The following PCDHGB3 variants were observed in gnomAD, a reference collection of about 807,000 sequenced individuals.
PCDHGB3 encodes the protein protocadherin gamma-B3.
A neutral mutation model predicts 59.2 loss-of-function variants in PCDHGB3; 40 were observed. The ratio of observed to expected loss-of-function variants is 0.68; its 90% CI spans 0.52 to 0.88. PCDHGB3 has a LOEUF of 0.88. Ranked by LOEUF, PCDHGB3 falls within the 40% of genes least tolerant of loss-of-function variation. The pLI is 0.00. For synonymous variants in PCDHGB3, 581 were observed against 503.6 expected, an observed-to-expected ratio of 1.15 and a Z score of -2.06; for missense variants, 1,309 against 1,187.9, an observed-to-expected ratio of 1.10 and a Z score of -1.50.
At chr5:141,399,511 C>A (rs1252813422) in intron 1 of PCDHGB3, 1 of 1,613,924 alleles carries the variant, frequency 6.2e-7, no homozygotes, top group African/African-American at 1.3e-5. Flanking sequence ...CGAAAACAAC[C>A]CTCCTGGGGC....
At position 141,404,691 on chromosome 5, in the gene PCDHGB3, G is replaced by A. The variant is rs200601931; in HGVS notation, c.2415+31882G>A. ...TCTACTGGTGTGGAGCTGGCACCCC[G>A]CTCTGCAGAGCCTGGCTACCTGGTG... is the stretch of plus-strand genomic sequence containing the variant. On this transcript the variant is annotated intron_variant, in intron 1 of 3. Transcript: ENST00000576222. 1.4e-5 allele frequency: 22 copies of A among 1,613,996 alleles called. No individual in the cohort carries two copies. The East Asian group carries it at 3.8e-4, about 28-fold the overall frequency.
At chr5:141,389,320 T>TG (rs764190187) in intron 1 of PCDHGB3, 4 of 1,613,964 alleles carry the variant, frequency 2.5e-6, no homozygotes, top group Non-Finnish European at 3.4e-6. Context: ...GATCCGGACT[T>TG]GGGGCCCAAC....
At chr5:141,409,769 G>T (rs1413636372) in intron 1 of PCDHGB3, 3 of 1,612,776 alleles carry the variant, frequency 1.9e-6, no homozygotes, top group Middle Eastern at 1.7e-4. Flanking sequence ...CTTTGATCAC[G>T]AGCAGCTGCG....
chr5:141,506,815 A>G (rs2099856451), intron 3 of PCDHGB3, among the ~76,000 whole-genome samples: 1 of 152,214 alleles, frequency 6.6e-6, no homozygotes, highest in African/African-American at 2.4e-5. Flanking sequence ...GCATTGCCCT[A>G]TATCATGAAC....
rs1015619417 is a variant in PCDHGB3 at position 141,455,526 on chromosome 5, C to T, written c.2416-39281C>T. Among the ~76,000 whole-genome samples the T allele has an allele frequency of 2.0e-5, 3 of 152,106 alleles. 1 individual carries two copies. Among genetic ancestry groups the T allele is most frequent in the South Asian group, 4.1e-4 (2 of 4,826 alleles). ...CATAGGGCTCAGGGGATTGGTTTGA[C>T]CAGGCATATCATTCACGTAGCCCGA... On this transcript the variant is annotated intron_variant, in intron 1 of 3. Coordinates refer to ENST00000576222, the MANE Select transcript of PCDHGB3 (RefSeq NM_018924.5).
At chr5:141,395,092 C>CT (rs2093168204) in intron 1 of PCDHGB3, 4 of 1,614,088 alleles carry the variant, frequency 2.5e-6, no homozygotes, top group Non-Finnish European at 3.4e-6. Context: ...GTCTCCCTCA[C>CT]CGCCGACTCG....
chr5:141,503,164 C>G (rs1262310388), intron 2 of PCDHGB3, among the ~76,000 whole-genome samples: 2 of 152,068 alleles, frequency 1.3e-5, no homozygotes, highest in East Asian at 3.9e-4. Flanking sequence ...ATCACAATTG[C>G]AATTACTCTA....
At chr5:141,479,206 T>C (rs987807222) in intron 1 of PCDHGB3, 3 of 152,400 alleles carry the variant, frequency 2.0e-5, no homozygotes, top group African/African-American at 7.2e-5. Context: ...CAGAAAAGTA[T>C]TTAAAAAATT....
At chr5:141,430,115 A>G (rs930805574) in intron 1 of PCDHGB3, among the ~76,000 whole-genome samples, 1 of 152,194 alleles carries the variant, frequency 6.6e-6, no homozygotes, top group Non-Finnish European at 1.5e-5. Context: ...CATGTCAACA[A>G]CCTGGTAAAG....
intron 2 of PCDHGB3, among the ~76,000 whole-genome samples, chr5:141,497,721 G>A (rs2099778948): frequency 6.6e-6 from 1 of 152,006 alleles, no homozygotes; most frequent in African/African-American, 2.4e-5. Flanking sequence ...TGTATTTTTA[G>A]TAGAGATGGG....
rs138031063 is a variant in PCDHGB3 at position 141,447,985 on chromosome 5, C to T, written c.2416-46822C>T. Among the ~76,000 whole-genome samples the T allele has an allele frequency of 3.9e-3, 591 of 152,010 alleles. 6 individuals are homozygous for T. The highest frequency in any genetic ancestry group is 0.011 in the Admixed American group (170 of 15,260). On this transcript the variant is annotated intron_variant, in intron 1 of 3. Transcript: ENST00000576222. ...CCTATAATCCCAGCTACTCGGGAGG[C>T]TGAGGCATGAGAATCGCTTGAACCC...
At chr5:141,449,567 C>T (rs1412647192) in intron 1 of PCDHGB3, among the ~76,000 whole-genome samples, 2 of 133,846 alleles carry the variant, frequency 1.5e-5, no homozygotes, top group Non-Finnish European at 3.1e-5. Context: ...CCAGCCTGGG[C>T]GACAGAGCAA....
At chr5:141,387,369 G>A (rs2090919487) in intron 1 of PCDHGB3, among the ~76,000 whole-genome samples, 1 of 152,148 alleles carries the variant, frequency 6.6e-6, no homozygotes, top group African/African-American at 2.4e-5. Context: ...CTGTGTTATG[G>A]CTATCTTTAT....
At position 141,476,881 on chromosome 5, in the gene PCDHGB3, G is replaced by A. The variant is rs1458703890; in HGVS notation, c.2416-17926G>A. On this transcript the variant is annotated intron_variant, in intron 1 of 3. Coordinates refer to ENST00000576222, the MANE Select transcript of PCDHGB3 (RefSeq NM_018924.5). The surrounding 1 kb of genome is among the most constrained non-coding windows in gnomAD (Gnocchi z 7.6). The stretch of plus-strand genomic sequence containing the variant: ...CCTTGTACCGGGCGCGCGTCCTGGA[G>A]GATGCACCCTCCGGCACGCGCGTGG... 1.9e-6 allele frequency: 3 copies of A among 1,613,874 alleles called. No homozygotes were observed. Among genetic ancestry groups the A allele is most frequent in the Middle Eastern group, 1.6e-4 (1 of 6,084 alleles).
chr5:141,467,295 C>T (rs2099141170), intron 1 of PCDHGB3, among the ~76,000 whole-genome samples: 1 of 152,114 alleles, frequency 6.6e-6, no homozygotes, highest in South Asian at 2.1e-4. Flanking sequence ...TCAAGTGATC[C>T]ACTCACCTCG....
chr5:141,408,869 AG>A, intron 1 of PCDHGB3: 1 of 1,613,690 alleles, frequency 6.2e-7, no homozygotes, highest in Non-Finnish European at 8.5e-7. Context: ...CCCACCAAGA[AG>A]TGCCACCGCT....
chr5:141,408,527 G>T lies in PCDHGB3; in HGVS notation c.2415+35718G>T, dbSNP rs1239443007. ...AAGATGTGAGTTGCAATTGGAAGCT[G>T]TGGTGGAAAATCCTTTAAATATTTT... On this transcript the variant is annotated intron_variant, in intron 1 of 3. Coordinates refer to ENST00000576222, the MANE Select transcript of PCDHGB3 (RefSeq NM_018924.5). 2.5e-6 allele frequency: 4 copies of T among 1,613,954 alleles called. No homozygotes were observed. The African/African-American group carries it at 5.3e-5, about 22-fold the overall frequency.
chr5:141,398,813 G>A (rs779872602), intron 1 of PCDHGB3: 11 of 1,613,838 alleles, frequency 6.8e-6, no homozygotes, highest in Admixed American at 3.3e-5. Flanking sequence ...ACTGAGCTCC[G>A]GATCCAGGTA....
chr5:141,386,620 C>T (rs73279071), intron 1 of PCDHGB3, among the ~76,000 whole-genome samples: 2 of 151,558 alleles, frequency 1.3e-5, no homozygotes, highest in Non-Finnish European at 2.9e-5. Context: ...CATGGAGTCT[C>T]GCTCTGTCAC....
Sources: gnomAD v4.1 joint callset for allele counts (sites outside exome capture counted in the v4.1 genomes callset) on GRCh38, gnomAD v4.1.1 for gene constraint, Gnocchi (gnomAD v3.1) non-coding constraint, MANE v1.5 for transcripts, NCBI Gene and HGNC (gene_info 2026-07-23, HGNC 2026-07-21) for gene names.